Variants in CHSY1 observed in about 807,000 individuals in gnomAD.
CHSY1 encodes N-acetylgalactosaminyl-proteoglycan 3-beta-glucuronosyltransferase 1.
In CHSY1, 13 loss-of-function variants were observed where a neutral mutation model predicts 59.8. The ratio of observed to expected loss-of-function variants is 0.22; its 90% CI spans 0.14 to 0.35. The LOEUF (loss-of-function observed/expected upper bound fraction) is 0.35, where lower values mean the gene tolerates loss of function less well. CHSY1 is among the 10% of genes least tolerant of loss of function. CHSY1 has a pLI of 1.00. For synonymous variants in CHSY1, 459 were observed against 401.2 expected, an observed-to-expected ratio of 1.14 and a Z score of -1.72; for missense variants, 947 against 1,030.6, an observed-to-expected ratio of 0.92 and a Z score of 1.11.
intron 2 of CHSY1, among the ~76,000 whole-genome samples, chr15:101,222,221 G>A (rs900706563): frequency 6.6e-6 from 1 of 152,188 alleles, no homozygotes; most frequent in Non-Finnish European, 1.5e-5. Context: ...AGTCACAGAG[G>A]ATCTAGTCTT....
chr15:101,215,458 C>T (rs764198387), intron 2 of CHSY1, among the ~76,000 whole-genome samples: 37 of 152,170 alleles, frequency 2.4e-4, no homozygotes, highest in Non-Finnish European at 5.1e-4. Context: ...ATATAGGCCA[C>T]GCGTGGTGGC....
At chr15:101,205,722 T>G (rs148426825) in intron 2 of CHSY1, among the ~76,000 whole-genome samples, 1 of 152,018 alleles carries the variant, frequency 6.6e-6, no homozygotes, top group East Asian at 1.9e-4. Context: ...GAGGCTGAGG[T>G]GGGTGGATCA....
At chr15:101,229,732 C>G (rs1475192407) in intron 2 of CHSY1, among the ~76,000 whole-genome samples, 1 of 151,920 alleles carries the variant, frequency 6.6e-6, no homozygotes, top group African/African-American at 2.4e-5. Flanking sequence ...CATGGTGAAA[C>G]CCCATCCCTA....
intron 1 of CHSY1, among the ~76,000 whole-genome samples, chr15:101,250,538 A>C (rs1022549095): frequency 6.6e-6 from 1 of 152,216 alleles, no homozygotes; most frequent in Non-Finnish European, 1.5e-5. Flanking sequence ...TTTCCACTGA[A>C]TCTACCAAGG....
intron 2 of CHSY1, among the ~76,000 whole-genome samples, chr15:101,199,566 T>C (rs2038549325): frequency 1.3e-5 from 2 of 152,160 alleles, no homozygotes; most frequent in South Asian, 2.1e-4. Context: ...TGGAGACTGG[T>C]TGCGCAACTT....
intron 2 of CHSY1, 36 bp downstream of exon 2, chr15:101,235,046 T>A: frequency 1.2e-6 from 2 of 1,609,060 alleles, no homozygotes; most frequent in Non-Finnish European, 1.7e-6. Context: ...ATTGACAAAA[T>A]TAAGTTTTTC....
At chr15:101,228,926 C>T (rs77137864) in intron 2 of CHSY1, among the ~76,000 whole-genome samples, 5,452 of 152,182 alleles carry the variant, frequency 0.036, 247 homozygotes, top group African/African-American at 0.1. Flanking sequence ...TGGCATACAA[C>T]GTATAAAGAT....
intron 2 of CHSY1, among the ~76,000 whole-genome samples, chr15:101,182,341 A>G (rs1352454594): frequency 1.3e-5 from 2 of 152,118 alleles, no homozygotes; most frequent in African/African-American, 4.8e-5. Flanking sequence ...TCAGGTGGGG[A>G]TGATTAGTGT....
intron 2 of CHSY1, among the ~76,000 whole-genome samples, chr15:101,205,336 G>T (rs2038614243): frequency 6.6e-6 from 1 of 152,116 alleles, no homozygotes; most frequent in South Asian, 2.1e-4. Flanking sequence ...ACACACACAT[G>T]ATTCAGAGGA....
intron 2 of CHSY1, among the ~76,000 whole-genome samples, chr15:101,231,358 T>A (rs1425926857): frequency 6.6e-6 from 1 of 152,034 alleles, no homozygotes; most frequent in Non-Finnish European, 1.5e-5. Context: ...AGTAGAAACT[T>A]AATTGTTTGT....
chr15:101,241,430 CA>C (rs1173165179), intron 1 of CHSY1, among the ~76,000 whole-genome samples: 1 of 152,184 alleles, frequency 6.6e-6, no homozygotes, highest in African/African-American at 2.4e-5. Flanking sequence ...AAGTTTTCTG[CA>C]ACAGGTATAT....
chr15:101,239,860 T>A (rs2038985506), intron 1 of CHSY1, among the ~76,000 whole-genome samples: 1 of 152,140 alleles, frequency 6.6e-6, no homozygotes, highest in Admixed American at 6.5e-5. Context: ...GGATGAAGCT[T>A]CATTATAGTT....
chr15:101,231,270 C>A (rs78718656), intron 2 of CHSY1, among the ~76,000 whole-genome samples: 4,435 of 152,258 alleles, frequency 0.029, 292 homozygotes, highest in East Asian at 0.19. Flanking sequence ...AGACGAAGTT[C>A]TTTTATTTAC....
intron 1 of CHSY1, among the ~76,000 whole-genome samples, chr15:101,243,358 T>C (rs1242799055): frequency 1.3e-5 from 2 of 152,218 alleles, no homozygotes; most frequent in South Asian, 2.1e-4. Flanking sequence ...AGTATAAATA[T>C]GCGACTAATA....
chr15:101,183,077 A>G (rs1403243303), intron 2 of CHSY1, among the ~76,000 whole-genome samples: 8 of 152,178 alleles, frequency 5.3e-5, no homozygotes, highest in Admixed American at 5.2e-4. Context: ...GAAACCAAAC[A>G]CAAGACAGCA....
At chr15:101,201,665 T>C (rs759624276) in intron 2 of CHSY1, among the ~76,000 whole-genome samples, 3 of 152,090 alleles carry the variant, frequency 2.0e-5, no homozygotes, top group Non-Finnish European at 4.4e-5. Flanking sequence ...ATGACAGAGG[T>C]TGCAAGTACC....
intron 2 of CHSY1, among the ~76,000 whole-genome samples, chr15:101,185,187 G>C (rs887241602): frequency 1.3e-5 from 2 of 152,214 alleles, no homozygotes; most frequent in African/African-American, 2.4e-5. Context: ...TGGAGAGGCA[G>C]AAATCAAATA....
At chr15:101,218,954 G>A (rs1374059939) in intron 2 of CHSY1, among the ~76,000 whole-genome samples, 4 of 152,206 alleles carry the variant, frequency 2.6e-5, no homozygotes, top group African/African-American at 7.2e-5. Flanking sequence ...AAGGTATAGT[G>A]CAGTATCATA....
At chr15:101,231,520 CAATT>C (rs1422205474) in intron 2 of CHSY1, among the ~76,000 whole-genome samples, 1 of 152,186 alleles carries the variant, frequency 6.6e-6, no homozygotes, top group Non-Finnish European at 1.5e-5. Flanking sequence ...CTATTAAAAA[CAATT>C]AATATTTTAA....
Sources: gnomAD v4.1 joint callset for allele counts (sites outside exome capture counted in the v4.1 genomes callset) on GRCh38, gnomAD v4.1.1 for gene constraint, MANE v1.5 for transcripts, NCBI Gene and HGNC (gene_info 2026-07-23, HGNC 2026-07-21) for gene names.